TMEM87A: variants seen among roughly 807,000 people sequenced by gnomAD.
TMEM87A encodes Golgi-pH regulating cation channel.
TMEM87A carries 50 observed loss-of-function variants against 90.0 expected under a neutral mutation model. The ratio of observed to expected loss-of-function variants is 0.56; its 90% confidence interval spans 0.44 to 0.70. The LOEUF is 0.70. Among genes scored for constraint, TMEM87A ranks in the 30% least tolerant of loss-of-function variants. TMEM87A has a pLI of 0.00. For missense variants in TMEM87A, 577 were observed against 660.5 expected (o/e 0.87, Z 1.39); for synonymous variants, 226 against 226.7 (o/e 1.00, Z 0.03).
chr15:42,269,929 C>A (rs530655380), intron 2 of TMEM87A, among the ~76,000 whole-genome samples: 15 of 94,538 alleles, frequency 1.6e-4, no homozygotes, highest in Non-Finnish European at 2.3e-4. Context: ...GGCGACAGAG[C>A]GAGACTCCGT....
At chr15:42,227,616 T>G in intron 14 of TMEM87A, 95 bp downstream of exon 14, 2 of 1,094,546 alleles carry the variant, frequency 1.8e-6, no homozygotes, top group Non-Finnish European at 2.7e-6. Flanking sequence ...TAATTTTTTA[T>G]AAGGTATATA....
intron 10 of TMEM87A, among the ~76,000 whole-genome samples, chr15:42,235,780 C>T (rs1328702521): frequency 1.3e-5 from 2 of 152,198 alleles, no homozygotes; most frequent in East Asian, 3.8e-4. Flanking sequence ...CTCCACTGCA[C>T]TTTCCACTGA....
chr15:42,271,311 A>C (rs1368903062), intron 2 of TMEM87A, among the ~76,000 whole-genome samples: 1 of 152,196 alleles, frequency 6.6e-6, no homozygotes, highest in African/African-American at 2.4e-5. Flanking sequence ...TTCACAGCCA[A>C]CGGCCTGACA....
chr15:42,218,494 T>C (rs2050418681), intron 17 of TMEM87A, 116 bp from the exon 18 acceptor site: 2 of 893,236 alleles, frequency 2.2e-6, no homozygotes, highest in African/African-American at 1.7e-5. Context: ...CATTCACAAA[T>C]GGGACTGCTG....
chr15:42,254,262 C>T (rs1394515869), intron 6 of TMEM87A, among the ~76,000 whole-genome samples: 1 of 152,168 alleles, frequency 6.6e-6, no homozygotes, highest in Non-Finnish European at 1.5e-5. Flanking sequence ...GTTCCCAAAA[C>T]ATTGTTTTTG....
At chr15:42,268,800 C>T in intron 2 of TMEM87A, among the ~76,000 whole-genome samples, 1 of 152,150 alleles carries the variant, frequency 6.6e-6, no homozygotes, top group East Asian at 1.9e-4. Flanking sequence ...GTTGAAGAGA[C>T]AAGCAATAAT....
chr15:42,265,143 T>C (rs1436362277), intron 3 of TMEM87A, among the ~76,000 whole-genome samples: 1 of 152,236 alleles, frequency 6.6e-6, no homozygotes. Context: ...ATGTCTTTGC[T>C]ATTGTAAACA....
In TMEM87A at chr15:42,273,356, G is replaced by GA. The variant is rs1566946021; in HGVS notation, c.42dup (p.Leu15SerfsTer40). On this transcript the variant is annotated frameshift_variant, in exon 1 of 20. Transcript: ENST00000389834. LOFTEE classifies it high-confidence loss of function. Reference sequence around the variant, plus strand: ...GGTGACGGGTGAGCTCCCAGAAGCAGAAGAATGACAGGCAACACCTGAAGC... The same window carrying GA: ...GGTGACGGGTGAGCTCCCAGAAGCAGAAAGAATGACAGGCAACACCTGAAGC... 1.2e-6 allele frequency: 2 copies of GA among 1,612,594 alleles called. No homozygotes were observed. The highest frequency in any genetic ancestry group is 1.7e-6 in the Non-Finnish European group (2 of 1,178,744).
intron 6 of TMEM87A, among the ~76,000 whole-genome samples, chr15:42,244,813 C>A (rs2050941117): frequency 6.7e-6 from 1 of 149,168 alleles, no homozygotes; most frequent in African/African-American, 2.5e-5. Context: ...AAACAGAAGA[C>A]TAAGACACAA....
At position 42,261,262 on chromosome 15, in the gene TMEM87A, CACAAA is replaced by C. The variant is rs1237667451; in HGVS notation, c.406-18_406-14del. 15 of 1,610,552 alleles carry C rather than the reference CACAAA, an allele frequency of 9.3e-6. No homozygotes were observed. The highest frequency in any genetic ancestry group is 4.4e-5 in the South Asian group (4 of 90,636). On this transcript the variant is annotated splice_polypyrimidine_tract_variant and intron_variant, in intron 4 of 19. Coordinates refer to ENST00000389834, the MANE Select transcript of TMEM87A (RefSeq NM_015497.5). ...CTCCAGAAAAGGTCTATAAAAGAAA[CACAAA>C]ACAAAACATTAAAGGTGTGTAAATA...
At chr15:42,223,952 T>C (rs977168810) in intron 15 of TMEM87A, among the ~76,000 whole-genome samples, 1 of 151,668 alleles carries the variant, frequency 6.6e-6, no homozygotes, top group South Asian at 2.1e-4. Flanking sequence ...GGAAATACTT[T>C]AAAAATTACA....
chr15:42,245,521 T>C lies in TMEM87A; in HGVS notation c.505-1354A>G, dbSNP rs896164542. Among the ~76,000 whole-genome samples the C allele has an allele frequency of 1.1e-4, 9 of 79,958 alleles. No homozygotes were observed. In the East Asian group the frequency reaches 1.5e-3, roughly 13 times the overall value. 52.5% of individuals were successfully genotyped at this position (79,958 alleles called of 152,430 possible). A position where few individuals can be genotyped will look rare whatever the true frequency, so the allele number is the denominator to read the frequency against. On this transcript the variant is annotated intron_variant, in intron 6 of 19. Coordinates refer to ENST00000389834, the MANE Select transcript of TMEM87A (RefSeq NM_015497.5). ...CTGTTAAGCATATGACATTTATTAC[T>C]TTTTTTTTTTTTTTTTTTTTTGAGG... is the stretch of plus-strand genomic sequence containing the variant.
At chr15:42,248,254 C>T (rs1035214285) in intron 6 of TMEM87A, among the ~76,000 whole-genome samples, 76 of 152,248 alleles carry the variant, frequency 5.0e-4, no homozygotes, top group Non-Finnish European at 9.0e-4. Flanking sequence ...TTCCTCTTTT[C>T]CTAATTGAAT....
Position 42,210,531 on chromosome 15 carries a change from A to AT in TMEM87A, c.*1176dup. The AT allele has an allele frequency of 6.6e-6, 1 of 152,382 alleles. No homozygotes were observed. Among genetic ancestry groups the AT allele is most frequent in the Non-Finnish European group, 1.5e-5 (1 of 68,030 alleles). 9.4% of individuals were successfully genotyped at this position (152,382 alleles called of 1,614,324 possible). ...TGAAAAAAATGAGAAAAATACATTA[A>AT]TTTTGTTAAATTTTTTTATATTAAA... is the stretch of plus-strand genomic sequence containing the variant. On this transcript the variant is annotated 3_prime_UTR_variant, in exon 20 of 20. Transcript: ENST00000389834.
At chr15:42,236,918 A>C (rs1160739145) in intron 9 of TMEM87A, among the ~76,000 whole-genome samples, 1 of 152,246 alleles carries the variant, frequency 6.6e-6, no homozygotes, top group African/African-American at 2.4e-5. Flanking sequence ...TCTGACAAGA[A>C]AAAACTGAAG....
chr15:42,233,092 A>G (rs2050713720), intron 11 of TMEM87A, 121 bp downstream of exon 11: 5 of 730,694 alleles, frequency 6.8e-6, no homozygotes, highest in Non-Finnish European at 1.1e-5. Context: ...TTTGAAAATC[A>G]GAGCCCAAAA....
At chr15:42,268,503 A>G (rs1331372906) in intron 2 of TMEM87A, among the ~76,000 whole-genome samples, 2 of 152,138 alleles carry the variant, frequency 1.3e-5, no homozygotes, top group East Asian at 3.8e-4. Flanking sequence ...ACTCATCTCT[A>G]CAAAAAATGA....
In TMEM87A at chr15:42,250,273, G is replaced by A. The variant is rs561527653; in HGVS notation, c.505-6106C>T. On this transcript the variant is annotated intron_variant, in intron 6 of 19. Transcript: ENST00000389834. ...GGCATTTAGCCCGTCTACATTTAAG[G>A]TTAATATTGTTATGTGTGAATTTGA... 2.0e-5 allele frequency among the ~76,000 whole-genome samples: 3 copies of A among 152,304 alleles called. No homozygotes were observed. The South Asian group carries it at 6.2e-4, about 32-fold the overall frequency.
chr15:42,241,505 A>C (rs1595727439), intron 7 of TMEM87A, among the ~76,000 whole-genome samples: 1 of 152,208 alleles, frequency 6.6e-6, no homozygotes, highest in Non-Finnish European at 1.5e-5. Context: ...TGGTGTTTTG[A>C]CATAAGGCAG....
Sources: gnomAD v4.1 joint callset for allele counts (sites outside exome capture counted in the v4.1 genomes callset) on GRCh38, gnomAD v4.1.1 for gene constraint, MANE v1.5 for transcripts, NCBI Gene and HGNC (gene_info 2026-07-23, HGNC 2026-07-21) for gene names.